VPS13B: variants seen among roughly 807,000 people sequenced by gnomAD.
VPS13B encodes vacuolar protein sorting 13 homolog B, also known as intermembrane lipid transfer protein VPS13B.
Under a neutral mutation model 426.4 loss-of-function variants are expected in VPS13B, and 285 were observed. The observed-to-expected ratio is 0.67, with a 90% CI of 0.61 to 0.74. The LOEUF (loss-of-function observed/expected upper bound fraction) is 0.74, where lower values mean the gene tolerates loss of function less well. VPS13B is among the 30% of genes least tolerant of loss of function. VPS13B has a pLI of 0.00. For missense variants in VPS13B, 4,537 were observed against 4,782.6 expected (o/e 0.95, Z 1.51); for synonymous variants, 1,676 against 1,676.4 (o/e 1.00, Z 0.01).
At chr8:99,206,783 G>A (rs1010959430) in intron 17 of VPS13B, among the ~76,000 whole-genome samples, 1 of 152,034 alleles carries the variant, frequency 6.6e-6, no homozygotes, top group Non-Finnish European at 1.5e-5. Flanking sequence ...TAATCACTTA[G>A]GAAAAAGATT....
At chr8:99,153,890 AT>A (rs530313675) in intron 14 of VPS13B, among the ~76,000 whole-genome samples, 85 of 146,216 alleles carry the variant, frequency 5.8e-4, no homozygotes, top group Admixed American at 2.2e-3. Flanking sequence ...AATTCTCTGA[AT>A]TTTTTTTTTT....
chr8:99,474,776 C>A lies in VPS13B; in HGVS notation c.3667-6823C>A, dbSNP rs1055708853. ...AAAAATGATGTAACAACATTGGAAA[C>A]CCCTTGACAATTTCTGAAAAAGTTC... On this transcript the variant is annotated intron_variant, in intron 24 of 61. Coordinates refer to ENST00000357162, the MANE Select transcript of VPS13B (RefSeq NM_152564.5). 2.6e-5 allele frequency among the ~76,000 whole-genome samples: 4 copies of A among 152,106 alleles called. No individual in the cohort carries two copies. In the East Asian group the frequency reaches 5.8e-4, roughly 22 times the overall value.
At chr8:99,118,766 A>T (rs761629156) in intron 7 of VPS13B, among the ~76,000 whole-genome samples, 12 of 152,168 alleles carry the variant, frequency 7.9e-5, no homozygotes, top group Non-Finnish European at 1.5e-4. Context: ...TACCATGTGA[A>T]TATACTATAG....
chr8:99,028,613 C>CG (rs1842293045), intron 2 of VPS13B, among the ~76,000 whole-genome samples: 1 of 115,102 alleles, frequency 8.7e-6, no homozygotes, highest in Admixed American at 8.2e-5. Flanking sequence ...GCTGGCCGGG[C>CG]GGGGGGCTGA....
chr8:99,602,389 A>G (rs1051157355), intron 33 of VPS13B, among the ~76,000 whole-genome samples: 1 of 152,054 alleles, frequency 6.6e-6, no homozygotes, highest in Non-Finnish European at 1.5e-5. Context: ...CATGCTGTTT[A>G]GGTTACTGTA....
intron 19 of VPS13B, among the ~76,000 whole-genome samples, chr8:99,283,615 G>C (rs1264085206): frequency 6.6e-6 from 1 of 152,158 alleles, no homozygotes; most frequent in East Asian, 1.9e-4. Context: ...TTTGATGGTA[G>C]ATGCTTGAAA....
chr8:99,395,722 A>C (rs1246984708), intron 21 of VPS13B, among the ~76,000 whole-genome samples: 1 of 152,208 alleles, frequency 6.6e-6, no homozygotes, highest in East Asian at 1.9e-4. Context: ...AAATTACTAG[A>C]GGTGCAAAGG....
Position 99,105,898 on chromosome 8 carries a change from C to T in VPS13B, c.580+2778C>T, listed in dbSNP as rs538178920. ...TGACTGCTTCTAACTTGCCAGTGTA[C>T]TCTTCAGAAGCAAATATACCATATG... On this transcript the variant is annotated intron_variant, in intron 5 of 61. Transcript: ENST00000357162. Among the ~76,000 whole-genome samples, 5 of 152,210 alleles carry T rather than the reference C, an allele frequency of 3.3e-5. No homozygotes were observed. In the South Asian group the frequency reaches 8.3e-4, roughly 25 times the overall value.
chr8:99,451,855 T>C (rs1818211789), intron 23 of VPS13B, among the ~76,000 whole-genome samples: 1 of 152,230 alleles, frequency 6.6e-6, no homozygotes, highest in South Asian at 2.1e-4. Flanking sequence ...GTGTACCCTG[T>C]ATCAAACGGT....
chr8:99,712,992 A>T (rs1004958765), intron 36 of VPS13B, among the ~76,000 whole-genome samples: 2 of 152,204 alleles, frequency 1.3e-5, no homozygotes, highest in African/African-American at 4.8e-5. Context: ...ATCATATAGA[A>T]TGATATGAAT....
intron 58 of VPS13B, among the ~76,000 whole-genome samples, chr8:99,866,869 T>G (rs1314943963): frequency 5.9e-5 from 9 of 152,286 alleles, no homozygotes. Flanking sequence ...CAGGCCTGAC[T>G]GTCTGTGGTA....
chr8:99,581,028 C>CACAT (rs1554854829), intron 33 of VPS13B, among the ~76,000 whole-genome samples: 1 of 144,840 alleles, frequency 6.9e-6, no homozygotes, highest in African/African-American at 2.6e-5. Context: ...CACACACACA[C>CACAT]ACAAATTAGG....
chr8:99,530,630 A>G (rs960204288), intron 30 of VPS13B, among the ~76,000 whole-genome samples: 1 of 151,594 alleles, frequency 6.6e-6, no homozygotes, highest in African/African-American at 2.4e-5. Context: ...AAAAAAAAAA[A>G]TAGTAGCAGC....
intron 17 of VPS13B, among the ~76,000 whole-genome samples, chr8:99,193,382 A>T (rs1312328883): frequency 6.6e-6 from 1 of 152,136 alleles, no homozygotes; most frequent in Non-Finnish European, 1.5e-5. Flanking sequence ...TAAGTACAGT[A>T]TGTTTGATTA....
intron 3 of VPS13B, among the ~76,000 whole-genome samples, chr8:99,085,653 C>T (rs1845736933): frequency 6.6e-6 from 1 of 152,144 alleles, no homozygotes; most frequent in South Asian, 2.1e-4. Flanking sequence ...CTGGTGGTGA[C>T]AAAATCTCTC....
chr8:99,679,040 C>T (rs540257321), intron 35 of VPS13B, among the ~76,000 whole-genome samples: 1 of 152,300 alleles, frequency 6.6e-6, no homozygotes, highest in African/African-American at 2.4e-5. Flanking sequence ...TCTTAGTCTG[C>T]AATTCTTACA....
chr8:99,720,987 A>G lies in VPS13B; in HGVS notation c.6990A>G (p.Val2330=), dbSNP rs1833107587. ...RVLTLVRITP[V]PFNTTEDPDI... Reference sequence around the variant, plus strand: ...TCACCCTTGTACGAATAACTCCTGTACCTTTTAACACCACAGAGGATCCAG... The same window carrying G: ...TCACCCTTGTACGAATAACTCCTGTGCCTTTTAACACCACAGAGGATCCAG... The change falls in exon 39 of 62, where the codon GTA becomes GTG. Residue 2330 remains valine (V), a synonymous_variant. Coordinates refer to ENST00000357162, the MANE Select transcript of VPS13B (RefSeq NM_152564.5). 5 of 1,614,052 alleles carry G rather than the reference A, an allele frequency of 3.1e-6. No individual in the cohort carries two copies. The highest frequency in any genetic ancestry group is 4.2e-6 in the Non-Finnish European group (5 of 1,179,948).
intron 16 of VPS13B, among the ~76,000 whole-genome samples, chr8:99,181,927 T>C (rs778754821): frequency 1.3e-5 from 2 of 151,926 alleles, no homozygotes; most frequent in Non-Finnish European, 2.9e-5. Flanking sequence ...TATGAAAATA[T>C]CCTACAGTTG....
chr8:99,661,274 T>C (rs1384014326), intron 34 of VPS13B, 80 bp from the exon 35 acceptor site: 2 of 1,570,102 alleles, frequency 1.3e-6, no homozygotes, highest in Non-Finnish European at 1.7e-6. Flanking sequence ...TTTTCTCTCA[T>C]TTATTAACTC....
Sources: allele counts gnomAD v4.1 joint callset (sites outside exome capture counted in the v4.1 genomes callset), GRCh38; gene constraint gnomAD v4.1.1; transcripts MANE v1.5; gene names NCBI Gene and HGNC (gene_info 2026-07-23, HGNC 2026-07-21).